The following CLCN7 variants were observed in gnomAD, a reference collection of about 807,000 sequenced individuals.
The protein encoded by CLCN7 is H(+)/Cl(-) exchange transporter 7.
CLCN7 carries 60 observed loss-of-function variants against 102.1 expected under a neutral mutation model. That is an observed-to-expected ratio of 0.59 (90% CI 0.48 to 0.73). The LOEUF (loss-of-function observed/expected upper bound fraction) is 0.73. Ranked by LOEUF, CLCN7 falls within the 30% of genes least tolerant of loss-of-function variation. CLCN7 has a pLI of 0.00. For missense variants in CLCN7, 962 were observed against 1,125.7 expected (o/e 0.85, Z 2.08); for synonymous variants, 560 against 490.5 (o/e 1.14, Z -1.87).
chr16:1,457,315 C>G lies in CLCN7; in HGVS notation c.761G>C (p.Gly254Ala), dbSNP rs1251757740. 3 of 1,613,864 alleles carry G rather than the reference C, an allele frequency of 1.9e-6. No homozygotes were observed. Among genetic ancestry groups the G allele is most frequent in the African/African-American group, 1.3e-5 (1 of 74,950 alleles). ...VGKEGPMIHS[G>A]SVIAAGISQG... Reference sequence around the variant, plus strand: ...AGAGATCCCGGCGGCAATCACTGAACCTGAGTGGATCATCGGCCCTTCCTG... The same window carrying G: ...AGAGATCCCGGCGGCAATCACTGAAGCTGAGTGGATCATCGGCCCTTCCTG... The change falls in exon 9 of 25, where the codon GGT becomes GCT. Residue 254 changes from glycine (G) to alanine (A), a missense_variant. Coordinates refer to ENST00000382745, the MANE Select transcript of CLCN7 (RefSeq NM_001287.6). The surrounding 1 kb of genome is among the most constrained non-coding windows in gnomAD (Gnocchi z 5.4).
At position 1,474,872 on chromosome 16, in the gene CLCN7, G is replaced by A. The variant is rs1362792964; in HGVS notation, c.103C>T (p.Pro35Ser). Residue 35 changes from proline to serine, a missense_variant, in exon 1 of 25, where the codon CCG becomes TCG. By Grantham distance (74) the Pro-to-Ser change is moderately conservative. This residue lies in a region of CLCN7 where 163 missense variants were observed against 137.7 expected (regional missense o/e 1.18). Transcript: ENST00000382745. ...RRTARPGGGT[P>S]LLNGAGPGAA... ...CCAGGCCCAGCCCCGTTCAGCAGCG[G>A]CGTCCCCCCGCCGGGCCGCGCCGTC... 6.9e-7 allele frequency: 1 copy of A among 1,443,610 alleles called. No individual in the cohort carries two copies. The highest frequency in any genetic ancestry group is 9.1e-7 in the Non-Finnish European group (1 of 1,100,446). The allele number at this position is 1,443,610 out of a possible 1,614,324, so 89.4% of individuals were successfully genotyped here.
chr16:1,453,367 C>T (rs1475778905), intron 14 of CLCN7, among the ~76,000 whole-genome samples: 1 of 152,170 alleles, frequency 6.6e-6, no homozygotes, highest in African/African-American at 2.4e-5. Flanking sequence ...TCGTCCTCTT[C>T]CCTGGGGTAA....
chr16:1,449,941 G>A (rs1227037676), intron 17 of CLCN7: 1 of 175,020 alleles, frequency 5.7e-6, no homozygotes, highest in African/African-American at 2.4e-5. Flanking sequence ...AGCAGGAGTG[G>A]GCGCTTCCTG....
At chr16:1,449,792 G>A (rs965260820) in intron 17 of CLCN7, 6 of 235,036 alleles carry the variant, frequency 2.6e-5, no homozygotes, top group Admixed American at 1.5e-4. Flanking sequence ...CGGCCGCACT[G>A]CCTCGTGAAC....
chr16:1,473,976 C>G (rs546288553), intron 1 of CLCN7, among the ~76,000 whole-genome samples: 5 of 152,040 alleles, frequency 3.3e-5, no homozygotes, highest in Admixed American at 3.3e-4. Flanking sequence ...TCCAGCTACT[C>G]AGGAGGCTGA....
intron 11 of CLCN7, 116 bp from the exon 12 acceptor site, chr16:1,455,366 C>G: frequency 1.2e-6 from 1 of 805,836 alleles, no homozygotes; most frequent in Admixed American, 1.7e-5. Flanking sequence ...GTCTGCAGAC[C>G]CCGCCCAAGG....
chr16:1,465,262 C>G lies in CLCN7; in HGVS notation c.213+5G>C, dbSNP rs778729830. 4 of 1,613,374 alleles carry G rather than the reference C, an allele frequency of 2.5e-6. No individual in the cohort carries two copies. Among genetic ancestry groups the G allele is most frequent in the Non-Finnish European group, 3.4e-6 (4 of 1,179,698 alleles). ...GCGGGAGGACGGGGAACACCCCCAA[C>G]TCACCGGGTCCAAAAGTTCATCATC... On this transcript the variant is annotated splice_donor_5th_base_variant and intron_variant, in intron 2 of 24. Coordinates refer to ENST00000382745, the MANE Select transcript of CLCN7 (RefSeq NM_001287.6).
Position 1,474,826 on chromosome 16 carries a change from G to T in CLCN7, c.141+8C>A, listed in dbSNP as rs11861560. 3 of 1,339,470 alleles carry T rather than the reference G, an allele frequency of 2.2e-6. No homozygotes were observed. The highest frequency in any genetic ancestry group is 3.1e-5 in the African/African-American group (2 of 64,602). 83.0% of individuals were successfully genotyped at this position (1,339,470 alleles called of 1,614,324 possible). A position where few individuals can be genotyped will look rare whatever the true frequency, so the allele number is the denominator to read the frequency against. ...CAGTTTCCCCGCCTGCGCCCTGCCC[G>T]GCCTCACCTGGCGCGCAGCCCCAGG... On this transcript the variant is annotated splice_region_variant and intron_variant, in intron 1 of 24. Coordinates refer to ENST00000382745, the MANE Select transcript of CLCN7 (RefSeq NM_001287.6).
Position 1,455,262 on chromosome 16 carries a change from G to A in CLCN7, c.982-12C>T, listed in dbSNP as rs568219570. The A allele has an allele frequency of 1.3e-6, 2 of 1,554,014 alleles. No homozygotes were observed. Among genetic ancestry groups the A allele is most frequent in the Admixed American group, 1.7e-5 (1 of 59,938 alleles). ...ATGGAAGCAAAGAACTGCGGCAGAGGGCAGGAAACCAGCGCCCTCAGAGCC... is the reference window on the plus strand; with the variant it reads ...ATGGAAGCAAAGAACTGCGGCAGAGAGCAGGAAACCAGCGCCCTCAGAGCC... On this transcript the variant is annotated splice_polypyrimidine_tract_variant and intron_variant, in intron 11 of 24. Transcript: ENST00000382745.
intron 10 of CLCN7, 67 bp from the exon 11 acceptor site, chr16:1,455,862 T>C: frequency 6.5e-7 from 1 of 1,539,522 alleles, no homozygotes; most frequent in Non-Finnish European, 8.9e-7. Flanking sequence ...ACCAACTCCC[T>C]CCCCCAGGCT....
chr16:1,469,391 T>C (rs1174295278), intron 1 of CLCN7, among the ~76,000 whole-genome samples: 1 of 151,704 alleles, frequency 6.6e-6, no homozygotes, highest in East Asian at 1.9e-4. Context: ...TCAGAATACA[T>C]AAAAAAACTC....
Position 1,465,385 on chromosome 16 carries a change from C to G in CLCN7, c.142-47G>C, listed in dbSNP as rs778953346. The G allele has an allele frequency of 7.8e-6, 12 of 1,533,956 alleles. 1 individual carries two copies. The South Asian group carries it at 8.1e-5, about 10-fold the overall frequency. ...TGAGGGCGCTCAGGCGTCGCACGCT[C>G]TGCTCCGTGGATTCTCACTCCCGCC... On this transcript the variant is annotated intron_variant, in intron 1 of 24. Transcript: ENST00000382745.
chr16:1,474,577 GC>G (rs1270985346), intron 1 of CLCN7, among the ~76,000 whole-genome samples: 3 of 152,176 alleles, frequency 2.0e-5, no homozygotes, highest in African/African-American at 7.2e-5. Context: ...CCCACATTCC[GC>G]GGGGTCTGGC....
At chr16:1,454,821 T>C (rs1057430949) in intron 12 of CLCN7, among the ~76,000 whole-genome samples, 2 of 152,094 alleles carry the variant, frequency 1.3e-5, no homozygotes, top group Admixed American at 6.5e-5. Context: ...CAGGCTACCC[T>C]GGAAACTAGG....
At chr16:1,448,173 C>T (rs369570743) in intron 21 of CLCN7, 182 bp downstream of exon 21, 4 of 853,706 alleles carry the variant, frequency 4.7e-6, no homozygotes, top group South Asian at 3.3e-5. Context: ...CGCAGCCCCC[C>T]CCACCAGCCT....
In CLCN7 at chr16:1,446,752, G is replaced by C. The variant is rs189159402; in HGVS notation, c.2332-35C>G. 288 of 1,524,866 alleles carry C rather than the reference G, an allele frequency of 1.9e-4. No individual in the cohort carries two copies. In the East Asian group the frequency reaches 4.0e-3, roughly 21 times the overall value. 94.5% of individuals were successfully genotyped at this position (1,524,866 alleles called of 1,614,324 possible). On this transcript the variant is annotated intron_variant, in intron 24 of 24. Transcript: ENST00000382745. ...AAGTCCAGGCCACAGTGACACACGG[G>C]TCGGCTCCCGCCTGCCTGTGGAGCT...
At position 1,447,650 on chromosome 16, in the gene CLCN7, C is replaced by T. The variant is rs1359861948; in HGVS notation, c.2073+5G>A. 7.7e-6 allele frequency: 12 copies of T among 1,554,686 alleles called. No homozygotes were observed. Among genetic ancestry groups the T allele is most frequent in the South Asian group, 4.7e-5 (4 of 84,366 alleles). On this transcript the variant is annotated splice_donor_5th_base_variant and intron_variant, in intron 22 of 24. Transcript: ENST00000382745. The stretch of plus-strand genomic sequence containing the variant: ...CCGCCCAATGGCCCGGAGCCTGGCA[C>T]GCACCTTGTGCTTTAGGAGAACGAT...
chr16:1,468,683 G>C (rs141499699), intron 1 of CLCN7, among the ~76,000 whole-genome samples: 1 of 152,094 alleles, frequency 6.6e-6, no homozygotes. Context: ...GAGGTCATCA[G>C]GGTTGGGAGT....
At chr16:1,448,812 C>A (rs1260658214) in intron 19 of CLCN7, 46 bp from the exon 20 acceptor site, 1 of 1,601,668 alleles carries the variant, frequency 6.2e-7, no homozygotes, top group South Asian at 1.1e-5. Context: ...CCACACCCAC[C>A]CCTGGAGCCC....
Sources: allele counts gnomAD v4.1 joint callset (sites outside exome capture counted in the v4.1 genomes callset), GRCh38; gene constraint gnomAD v4.1.1; regional missense constraint gnomAD v4.1.1; non-coding constraint Gnocchi (gnomAD v3.1); transcripts MANE v1.5; gene names NCBI Gene and HGNC (gene_info 2026-07-23, HGNC 2026-07-21).